ARHGEF4: variants seen among roughly 807,000 people sequenced by gnomAD.
ARHGEF4 encodes Rho guanine nucleotide exchange factor 4.
Under a neutral mutation model 162.0 loss-of-function variants are expected in ARHGEF4, and 119 were observed. The observed-to-expected ratio is 0.73, with a 90% CI of 0.63 to 0.86. The LOEUF is 0.86. ARHGEF4 is among the 40% of genes least tolerant of loss of function. The pLI is 0.00. For synonymous variants in ARHGEF4, 1,014 were observed against 979.9 expected, an observed-to-expected ratio of 1.03 and a Z score of -0.65; for missense variants, 2,488 against 2,456.0, an observed-to-expected ratio of 1.01 and a Z score of -0.28.
At chr2:130,955,372 G>A (rs1280885613) in intron 4 of ARHGEF4, among the ~76,000 whole-genome samples, 3 of 152,056 alleles carry the variant, frequency 2.0e-5, no homozygotes, top group Admixed American at 6.6e-5. Flanking sequence ...TGGAAACTGG[G>A]CATTTTAGAT....
At chr2:130,923,885 C>CT (rs11377085) in intron 2 of ARHGEF4, among the ~76,000 whole-genome samples, 106,627 of 140,966 alleles carry the variant, frequency 0.76, 43,891 homozygotes, top group East Asian at 0.98. Context: ...CTTTTCTTTT[C>CT]TTTTTTTTTT....
At chr2:130,891,955 G>C (rs964122219) in intron 1 of ARHGEF4, among the ~76,000 whole-genome samples, 4 of 152,006 alleles carry the variant, frequency 2.6e-5, no homozygotes, top group African/African-American at 9.7e-5. Flanking sequence ...GGTGGCAACT[G>C]GATTTGGCTC....
chr2:130,887,858 G>A (rs558795150), intron 1 of ARHGEF4, among the ~76,000 whole-genome samples: 5 of 152,130 alleles, frequency 3.3e-5, no homozygotes, highest in South Asian at 4.1e-4. Flanking sequence ...GGACCACGCC[G>A]GCAGGGTTTC....
In ARHGEF4 at chr2:131,043,532, C is replaced by G. The variant is rs771333479; in HGVS notation, c.5106C>G (p.Ser1702Arg). ...GAGTTACACAGCCTCAAGCCAAAAG[C>G]CAGCAGCGAATGTTCTTTCTCTTTG... ...LTRVTQPQAK[S>R]QQRMFFLFDH... The change falls in exon 11 of 14, where the codon AGC (serine) becomes AGG (arginine). Residue 1702 changes from serine (S) to arginine (R), a missense_variant. Ser to Arg is a moderately radical substitution (Grantham distance 110, BLOSUM62 -1). Around this residue, in one of 6 missense-constraint regions of ARHGEF4, gnomAD observed 415 missense variants for 512.4 expected, o/e 0.81. Coordinates refer to ENST00000409359, the MANE Select transcript of ARHGEF4 (RefSeq NM_001367493.1). 1 of 1,614,122 alleles carries G rather than the reference C, an allele frequency of 6.2e-7. No individual in the cohort carries two copies. The highest frequency in any genetic ancestry group is 1.1e-5 in the South Asian group (1 of 91,082).
At chr2:130,993,627 T>C (rs1288400917) in intron 4 of ARHGEF4, among the ~76,000 whole-genome samples, 1 of 152,206 alleles carries the variant, frequency 6.6e-6, no homozygotes, top group Non-Finnish European at 1.5e-5. Flanking sequence ...GATTTTGTTA[T>C]CTTATGTATT....
At chr2:130,846,568 C>T (rs908039436) in intron 1 of ARHGEF4, among the ~76,000 whole-genome samples, 8 of 152,130 alleles carry the variant, frequency 5.3e-5, no homozygotes. Context: ...TATGGGACGG[C>T]GAGAGAGAAG....
intron 3 of ARHGEF4, among the ~76,000 whole-genome samples, chr2:130,942,985 CTATTACCTTGTTTTTGTT>C (rs1207438920): frequency 6.6e-6 from 1 of 152,076 alleles, no homozygotes; most frequent in Non-Finnish European, 1.5e-5. Flanking sequence ...CTCACTTTGT[CTATTACCTTGTTTTTGTT>C]TATTACCTTG....
At chr2:131,027,064 C>G (rs1689526976) in intron 4 of ARHGEF4, among the ~76,000 whole-genome samples, 2 of 152,180 alleles carry the variant, frequency 1.3e-5, no homozygotes, top group African/African-American at 4.8e-5. Context: ...GGTTGAGAAA[C>G]AATGTCCTAG....
At chr2:131,044,657 A>G in intron 12 of ARHGEF4, 115 bp downstream of exon 12, 1 of 1,393,230 alleles carries the variant, frequency 7.2e-7, no homozygotes, top group Non-Finnish European at 9.5e-7. Flanking sequence ...TGCAGGGTGT[A>G]GCAAGGCTCC....
rs370675741 is a variant in ARHGEF4 at position 130,840,188 on chromosome 2, A to G, written c.39+3196A>G. ...GCATACACACTTGGGACACACAGGC[A>G]CACACACAGACACACAGGTGTACAC... On this transcript the variant is annotated intron_variant, in intron 1 of 13. Transcript: ENST00000409359. 3.4e-4 allele frequency among the ~76,000 whole-genome samples: 52 copies of G among 152,226 alleles called. 1 individual carries two copies. The South Asian group carries it at 5.8e-3, about 17-fold the overall frequency.
chr2:130,949,616 A>G lies in ARHGEF4; in HGVS notation c.3985+2981A>G, dbSNP rs572928030. On this transcript the variant is annotated intron_variant, in intron 4 of 13. Transcript: ENST00000409359. ...TGATCCGCCTGTCTTGGCCTCCCAA[A>G]GTGCTGGGATTACAGGCATGAGCCA... 6.4e-4 allele frequency among the ~76,000 whole-genome samples: 97 copies of G among 151,490 alleles called. 1 individual carries two copies. The highest frequency in any genetic ancestry group is 1.1e-3 in the Non-Finnish European group (76 of 67,914).
At chr2:130,873,484 G>A (rs1227089088) in intron 1 of ARHGEF4, among the ~76,000 whole-genome samples, 1 of 149,538 alleles carries the variant, frequency 6.7e-6, no homozygotes, top group East Asian at 2.0e-4. Context: ...AGCTACTCGG[G>A]AGGCTGAGGC....
chr2:131,046,142 T>C lies in ARHGEF4; in HGVS notation c.5584T>C (p.Ser1862Pro), dbSNP rs1301828517. The C allele has an allele frequency of 6.2e-7, 1 of 1,613,046 alleles. No homozygotes were observed. The highest frequency in any genetic ancestry group is 2.2e-5 in the East Asian group (1 of 44,864). Residue 1862 changes from serine (S) to proline (P), a missense_variant, in exon 14 of 14, where the codon TCT becomes CCT. Ser to Pro is a moderately conservative substitution (Grantham distance 74). Coordinates refer to ENST00000409359, the MANE Select transcript of ARHGEF4 (RefSeq NM_001367493.1). Reference protein sequence around the residue: ...LVLAEPRRKPSTFWHSISRLA... With the variant: ...LVLAEPRRKPPTFWHSISRLA... ...GCTGGCGGAGCCCAGGCGCAAGCCA[T>C]CTACCTTCTGGCACAGCATCAGCCG...
chr2:130,849,939 C>T (rs1308245664), intron 1 of ARHGEF4, among the ~76,000 whole-genome samples: 1 of 152,196 alleles, frequency 6.6e-6, no homozygotes, highest in South Asian at 2.1e-4. Context: ...GTACATTTAA[C>T]ATAGTGATTT....
At chr2:131,023,081 A>C (rs1478220599) in intron 4 of ARHGEF4, among the ~76,000 whole-genome samples, 2 of 149,616 alleles carry the variant, frequency 1.3e-5, no homozygotes, top group East Asian at 1.9e-4. Flanking sequence ...TCTCAAAAAA[A>C]AAAAAAAAAA....
chr2:131,011,589 C>A, intron 4 of ARHGEF4: 1 of 1,512,850 alleles, frequency 6.6e-7, no homozygotes, highest in South Asian at 1.2e-5. Context: ...GCATTTCATG[C>A]TATTAATCCC....
intron 2 of ARHGEF4, among the ~76,000 whole-genome samples, chr2:130,920,974 A>C (rs774682557): frequency 6.6e-6 from 1 of 152,150 alleles, no homozygotes; most frequent in Non-Finnish European, 1.5e-5. Context: ...CCACCAGGTC[A>C]TGAAACACCA....
rs564453278 is a variant in ARHGEF4 at position 131,037,356 on chromosome 2, C to A, written c.4126-1497C>A. Among the ~76,000 whole-genome samples, 8 of 152,376 alleles carry A rather than the reference C, an allele frequency of 5.3e-5. No homozygotes were observed. In the East Asian group the frequency reaches 1.3e-3, roughly 26 times the overall value. On this transcript the variant is annotated intron_variant, in intron 5 of 13. Transcript: ENST00000409359. The stretch of plus-strand genomic sequence containing the variant: ...CTCCAGTGGCCAGCCCCAGCCCTCA[C>A]CCTGCCCATTCAGGCAGAGGCCTCT...
chr2:130,938,208 A>G (rs1168693883), intron 3 of ARHGEF4, among the ~76,000 whole-genome samples: 1 of 152,198 alleles, frequency 6.6e-6, no homozygotes. Flanking sequence ...TTGTTGGGTC[A>G]TATGATAGTT....
Sources: allele counts gnomAD v4.1 joint callset (sites outside exome capture counted in the v4.1 genomes callset), GRCh38; gene constraint gnomAD v4.1.1; regional missense constraint gnomAD v4.1.1; transcripts MANE v1.5; gene names NCBI Gene and HGNC (gene_info 2026-07-23, HGNC 2026-07-21).